Variants in NINJ2 observed in about 807,000 individuals in gnomAD.
The protein encoded by NINJ2 is ninjurin 2.
Under a neutral mutation model 11.7 loss-of-function variants are expected in NINJ2, and 12 were observed. The observed-to-expected ratio is 1.02, with a 90% confidence interval of 0.66 to 1.66. The LOEUF is 1.66. Among genes scored for constraint, NINJ2 ranks in the 40% most tolerant of loss-of-function variants. NINJ2 has a pLI of 0.00. For synonymous variants in NINJ2, 93 were observed against 76.8 expected (o/e 1.21, Z -1.10); for missense variants, 187 against 181.8 (o/e 1.03, Z -0.16).
intron 1 of NINJ2, among the ~76,000 whole-genome samples, chr12:646,722 CAGAT>C (rs920557601): frequency 6.6e-6 from 1 of 152,112 alleles, no homozygotes; most frequent in African/African-American, 2.4e-5. Flanking sequence ...AGGCTGTGTA[CAGAT>C]TAGGACTGAA....
At chr12:645,732 G>C (rs1367539122) in intron 1 of NINJ2, 2 of 152,156 alleles carry the variant, frequency 1.3e-5, no homozygotes, top group African/African-American at 4.8e-5. Context: ...TGTGAGGGCT[G>C]ATGGCACACC....
intron 1 of NINJ2, among the ~76,000 whole-genome samples, chr12:621,481 AG>A (rs1010509038): frequency 2.1e-5 from 3 of 143,206 alleles, no homozygotes; most frequent in African/African-American, 7.7e-5. Flanking sequence ...AGAAAAAAAA[AG>A]AAAGAAAGAA....
At position 566,021 on chromosome 12, in the gene NINJ2, G is replaced by A. The variant is rs1947295448; in HGVS notation, c.191C>T (p.Thr64Ile). The change falls in exon 2 of 4, where the codon ACC becomes ATC. Residue 64 changes from threonine (T) to isoleucine (I), a missense_variant. Coordinates refer to ENST00000305108, the MANE Select transcript of NINJ2 (RefSeq NM_016533.6). The part of the protein sequence containing the change: ...LEQGPSSHYY[T>I]TLVTLISLSL... ...GAGGCTGATGAGGGTGACCAGGGTGGTGTAGTAGTGAGAGGATGGTCCCTG... is the reference window on the plus strand; with the variant it reads ...GAGGCTGATGAGGGTGACCAGGGTGATGTAGTAGTGAGAGGATGGTCCCTG... 2 of 1,614,198 alleles carry A rather than the reference G, an allele frequency of 1.2e-6. No homozygotes were observed. Among genetic ancestry groups the A allele is most frequent in the Non-Finnish European group, 8.5e-7 (1 of 1,180,022 alleles).
In NINJ2 at chr12:580,009, G is replaced by A. The variant is rs1476877157; in HGVS notation, c.34-13831C>T. ...AAGACAGGAGCTGCTGGGGCCTCTGGCTGCTGGTTCAAAAGACGGTTTGGA... is the reference window on the plus strand; with the variant it reads ...AAGACAGGAGCTGCTGGGGCCTCTGACTGCTGGTTCAAAAGACGGTTTGGA... On this transcript the variant is annotated intron_variant, in intron 1 of 3. Coordinates refer to ENST00000305108, the MANE Select transcript of NINJ2 (RefSeq NM_016533.6). This position sits in a 1 kb window ranked among gnomAD's most constrained non-coding sequence, Gnocchi z 4.7. Among the ~76,000 whole-genome samples the A allele has an allele frequency of 2.0e-5, 3 of 152,188 alleles. No homozygotes were observed. Among genetic ancestry groups the A allele is most frequent in the Non-Finnish European group, 2.9e-5 (2 of 68,038 alleles).
At chr12:611,271 T>TTC (rs925635698) in intron 1 of NINJ2, among the ~76,000 whole-genome samples, 3 of 132,860 alleles carry the variant, frequency 2.3e-5, no homozygotes, top group African/African-American at 5.8e-5. Context: ...CTTTCTTTCT[T>TTC]TCTCTCTCTC....
chr12:618,835 C>A (rs1393263159), intron 1 of NINJ2, among the ~76,000 whole-genome samples: 1 of 152,158 alleles, frequency 6.6e-6, no homozygotes, highest in East Asian at 1.9e-4. Flanking sequence ...AGCAAACACC[C>A]GACTCCCTCC....
chr12:629,896 A>AAAAAATAT, intron 1 of NINJ2, among the ~76,000 whole-genome samples: 3 of 9,900 alleles, frequency 3.0e-4, no homozygotes, highest in African/African-American at 4.4e-4. Flanking sequence ...AAAAAAAAAA[A>AAAAAATAT]ATATATATAT....
chr12:587,572 G>A (rs1565625612), intron 1 of NINJ2, among the ~76,000 whole-genome samples: 1 of 152,224 alleles, frequency 6.6e-6, no homozygotes, highest in African/African-American at 2.4e-5. Context: ...CTACAGCTGG[G>A]AGGGGAGCTG....
intron 1 of NINJ2, among the ~76,000 whole-genome samples, chr12:662,345 G>A (rs1311493892): frequency 4.6e-5 from 7 of 152,054 alleles, no homozygotes; most frequent in South Asian, 4.1e-4. Context: ...TCTCAAGGGC[G>A]GAGGGGCCAA....
chr12:632,705 G>A (rs990758134), intron 1 of NINJ2: 2 of 152,240 alleles, frequency 1.3e-5, no homozygotes, highest in African/African-American at 4.8e-5. Context: ...AGATGGGGGT[G>A]GGGGTGGAGA....
chr12:592,996 T>C (rs545459943), intron 1 of NINJ2, among the ~76,000 whole-genome samples: 157 of 149,954 alleles, frequency 1.0e-3, no homozygotes, highest in African/African-American at 3.8e-3. Flanking sequence ...TAAAGAAAAG[T>C]AAAATAAATC....
chr12:638,862 C>T (rs923146882), intron 1 of NINJ2, among the ~76,000 whole-genome samples: 7 of 152,204 alleles, frequency 4.6e-5, no homozygotes, highest in African/African-American at 1.7e-4. Context: ...TATGTTCCCT[C>T]CCACATCCAG....
chr12:613,762 G>A lies in NINJ2; in HGVS notation c.34-47584C>T, dbSNP rs181136070. Among the ~76,000 whole-genome samples the A allele has an allele frequency of 4.5e-3, 686 of 152,072 alleles. 3 individuals are homozygous for A. The highest frequency in any genetic ancestry group is 0.012 in the Admixed American group (176 of 15,276). On this transcript the variant is annotated intron_variant, in intron 1 of 3. Coordinates refer to ENST00000305108, the MANE Select transcript of NINJ2 (RefSeq NM_016533.6). ...CTACTAAAAATTCAAAAAATTAGCC[G>A]GGCGTGGTGGCGGGCGCCTGTAGTC...
chr12:648,996 G>GTCTATCTATCTATCTATCTATCTA (rs4017978), intron 1 of NINJ2, among the ~76,000 whole-genome samples: 34 of 149,006 alleles, frequency 2.3e-4, no homozygotes, highest in African/African-American at 7.0e-4. Context: ...CTATCTATCT[G>GTCTATCTATCTATCTATCTATCTA]TCTATCTATC....
chr12:645,589 AC>A (rs778382670), intron 1 of NINJ2: 1 of 152,214 alleles, frequency 6.6e-6, no homozygotes, highest in East Asian at 1.9e-4. Flanking sequence ...AAGTAGGGGC[AC>A]AAAGTGGTCA....
At chr12:651,421 G>T (rs1937783915) in intron 1 of NINJ2, among the ~76,000 whole-genome samples, 1 of 152,202 alleles carries the variant, frequency 6.6e-6, no homozygotes, top group Admixed American at 6.5e-5. Flanking sequence ...GTTCAGTCCA[G>T]AGGCATGGGC....
chr12:652,090 GA>G (rs1486684060), intron 1 of NINJ2, among the ~76,000 whole-genome samples: 1 of 151,780 alleles, frequency 6.6e-6, no homozygotes, highest in Admixed American at 6.6e-5. Flanking sequence ...ATAGATACAG[GA>G]AACTCAGGAA....
intron 1 of NINJ2, among the ~76,000 whole-genome samples, chr12:577,444 A>ATACAC (rs1947483040): frequency 1.5e-5 from 1 of 66,084 alleles, no homozygotes; most frequent in African/African-American, 5.1e-5. Context: ...TATATATATA[A>ATACAC]ATATTTTGGC....
intron 1 of NINJ2, among the ~76,000 whole-genome samples, chr12:583,369 C>T (rs886595114): frequency 6.6e-6 from 1 of 152,256 alleles, no homozygotes; most frequent in African/African-American, 2.4e-5. Context: ...TGTGCCTTCA[C>T]CCTCTTTCTA....
Sources: gnomAD v4.1 joint callset for allele counts (sites outside exome capture counted in the v4.1 genomes callset) on GRCh38, gnomAD v4.1.1 for gene constraint, Gnocchi (gnomAD v3.1) non-coding constraint, MANE v1.5 for transcripts, NCBI Gene and HGNC (gene_info 2026-07-23, HGNC 2026-07-21) for gene names.